The following PDE1C variants were observed in gnomAD, a reference collection of about 807,000 sequenced individuals.
PDE1C encodes phosphodiesterase 1C.
A neutral mutation model predicts 93.1 loss-of-function variants in PDE1C; 62 were observed. The ratio of observed to expected loss-of-function variants is 0.67; its 90% CI spans 0.54 to 0.82. The LOEUF is 0.82. PDE1C is among the 40% of genes least tolerant of loss of function. The pLI, the probability that PDE1C is intolerant of heterozygous loss-of-function variation, is 0.00. For synonymous variants in PDE1C, 325 were observed against 310.1 expected (o/e 1.05, Z -0.50); for missense variants, 742 against 884.6 (o/e 0.84, Z 2.04).
chr7:32,314,749 C>T (rs565138515), intron 1 of PDE1C, among the ~76,000 whole-genome samples: 17 of 152,106 alleles, frequency 1.1e-4, no homozygotes, highest in South Asian at 8.3e-4. Context: ...GCACCAAGAA[C>T]GCTGAAACCA....
At chr7:32,112,426 C>G (rs536310098) in intron 3 of PDE1C, among the ~76,000 whole-genome samples, 1 of 152,180 alleles carries the variant, frequency 6.6e-6, no homozygotes, top group African/African-American at 2.4e-5. Flanking sequence ...CTATCCCTTC[C>G]TGACCAATTT....
the PDE1C span, chr7:31,655,779 C>T: frequency 6.8e-4 from 670 of 985,634 alleles, 2 homozygotes; most frequent in African/African-American, 0.011. Flanking sequence ...TACTCTTTAC[C>T]CAGGTTGGGC....
chr7:31,672,040 G>A, the PDE1C span, among the ~76,000 whole-genome samples: 1 of 152,148 alleles, frequency 6.6e-6, no homozygotes, highest in Non-Finnish European at 1.5e-5. Context: ...TTCTAGAAAA[G>A]TATTATTTTT....
chr7:32,023,262 A>G (rs180905745), intron 2 of PDE1C, among the ~76,000 whole-genome samples: 15 of 152,276 alleles, frequency 9.9e-5, no homozygotes, highest in Non-Finnish European at 1.9e-4. Context: ...ACAGCTTGCA[A>G]TGGTTGAAAT....
At chr7:31,983,435 A>C (rs1782955484) in intron 2 of PDE1C, among the ~76,000 whole-genome samples, 2 of 152,212 alleles carry the variant, frequency 1.3e-5, no homozygotes, top group Non-Finnish European at 2.9e-5. Context: ...AAAACACCAC[A>C]GAAAATCTGA....
At chr7:31,952,148 A>G (rs535601840) in intron 2 of PDE1C, among the ~76,000 whole-genome samples, 39 of 152,274 alleles carry the variant, frequency 2.6e-4, no homozygotes, top group African/African-American at 9.4e-4. Flanking sequence ...TTAATATTCT[A>G]ATTTCCAATG....
At chr7:32,077,239 TAAAAAA>T (rs1350797685) in intron 3 of PDE1C, among the ~76,000 whole-genome samples, 5 of 152,086 alleles carry the variant, frequency 3.3e-5, no homozygotes, top group Non-Finnish European at 5.9e-5. Flanking sequence ...GATTCTATCT[TAAAAAA>T]CAAACAAACA....
intron 7 of PDE1C, among the ~76,000 whole-genome samples, chr7:31,863,757 T>C (rs1222822438): frequency 6.6e-6 from 1 of 152,186 alleles, no homozygotes; most frequent in Non-Finnish European, 1.5e-5. Context: ...ATTCTAACCA[T>C]CAGAGCACTT....
chr7:32,165,489 G>A (rs1054214922), intron 3 of PDE1C, among the ~76,000 whole-genome samples: 1 of 152,186 alleles, frequency 6.6e-6, no homozygotes, highest in Non-Finnish European at 1.5e-5. Context: ...TGGCTAGGGA[G>A]GCCTCAGGAA....
intron 3 of PDE1C, among the ~76,000 whole-genome samples, chr7:32,108,573 A>G (rs1798470850): frequency 6.6e-6 from 1 of 152,190 alleles, no homozygotes; most frequent in East Asian, 1.9e-4. Flanking sequence ...TCAAAATACC[A>G]CAACCTCAAT....
intron 7 of PDE1C, among the ~76,000 whole-genome samples, chr7:31,856,510 G>A (rs969141600): frequency 6.6e-6 from 1 of 152,170 alleles, no homozygotes; most frequent in African/African-American, 2.4e-5. Context: ...TGTTTTTGGT[G>A]AGAGTTGAAG....
intron 1 of PDE1C, among the ~76,000 whole-genome samples, chr7:32,311,657 A>G (rs1374913604): frequency 6.6e-6 from 1 of 152,192 alleles, no homozygotes; most frequent in Admixed American, 6.5e-5. Flanking sequence ...TAAAAACCAC[A>G]TGATTATCTC....
At chr7:32,230,655 C>G (rs2128861789) in intron 1 of PDE1C, among the ~76,000 whole-genome samples, 1 of 152,256 alleles carries the variant, frequency 6.6e-6, no homozygotes, top group East Asian at 1.9e-4. Context: ...AAAACGGTCA[C>G]TCTAGCCTCA....
chr7:31,805,058 G>A (rs1013650059), intron 16 of PDE1C, among the ~76,000 whole-genome samples: 1 of 151,698 alleles, frequency 6.6e-6, no homozygotes, highest in Non-Finnish European at 1.5e-5. Flanking sequence ...GAGATGTGAT[G>A]ATTTTATAAT....
intron 1 of PDE1C, among the ~76,000 whole-genome samples, chr7:32,342,726 C>T (rs538223700): frequency 6.6e-6 from 1 of 152,208 alleles, no homozygotes; most frequent in African/African-American, 2.4e-5. Flanking sequence ...CTCTTTGTAC[C>T]TTACTTTCCC....
At chr7:31,970,018 G>C (rs1810700244) in intron 2 of PDE1C, among the ~76,000 whole-genome samples, 2 of 152,220 alleles carry the variant, frequency 1.3e-5, no homozygotes, top group Non-Finnish European at 2.9e-5. Flanking sequence ...GGGAGGGATA[G>C]CATTAGGAGA....
chr7:32,346,023 T>G (rs1783847415), intron 1 of PDE1C, among the ~76,000 whole-genome samples: 1 of 152,222 alleles, frequency 6.6e-6, no homozygotes, highest in Admixed American at 6.5e-5. Context: ...TACATCCACA[T>G]GAAGACTCAC....
chr7:32,420,122 T>TACACACAC (rs1210571351), intron 1 of PDE1C, among the ~76,000 whole-genome samples: 2 of 19,564 alleles, frequency 1.0e-4, no homozygotes, highest in African/African-American at 3.0e-4. Flanking sequence ...TATATATATA[T>TACACACAC]ATACACACAC....
At chr7:31,845,938 A>G (rs1291096073) in intron 9 of PDE1C, among the ~76,000 whole-genome samples, 1 of 152,136 alleles carries the variant, frequency 6.6e-6, no homozygotes, top group African/African-American at 2.4e-5. Flanking sequence ...GGTTGCAGTG[A>G]GCCAAGATCA....
Sources: gnomAD v4.1 joint callset for allele counts (sites outside exome capture counted in the v4.1 genomes callset) on GRCh38, gnomAD v4.1.1 for gene constraint, MANE v1.5 for transcripts, NCBI Gene and HGNC (gene_info 2026-07-23, HGNC 2026-07-21) for gene names.